MAP4K4: variants seen among roughly 807,000 people sequenced by gnomAD.
The protein encoded by MAP4K4 is HPK/GCK-like kinase HGK.
MAP4K4 carries 38 observed loss-of-function variants against 189.6 expected under a neutral mutation model. The ratio of observed to expected loss-of-function variants is 0.20; its 90% confidence interval spans 0.15 to 0.26. The LOEUF is 0.26. Among genes scored for constraint, MAP4K4 ranks in the 10% least tolerant of loss-of-function variants. The pLI is 1.00. For synonymous variants in MAP4K4, 610 were observed against 624.3 expected (o/e 0.98, Z 0.34); for missense variants, 1,054 against 1,726.9 (o/e 0.61, Z 6.91).
At chr2:101,816,192 G>T (rs1359786797) in intron 3 of MAP4K4, among the ~76,000 whole-genome samples, 1 of 152,204 alleles carries the variant, frequency 6.6e-6, no homozygotes, top group Non-Finnish European at 1.5e-5. Context: ...TCTCTTCTAA[G>T]CGCTTTCGTA....
At chr2:101,719,745 C>T (rs1186575943) in intron 2 of MAP4K4, among the ~76,000 whole-genome samples, 1 of 152,316 alleles carries the variant, frequency 6.6e-6, no homozygotes, top group African/African-American at 2.4e-5. Context: ...GGCGTGGTGG[C>T]TCACGCCTGT....
chr2:101,843,916 A>G (rs2097004455), intron 11 of MAP4K4, among the ~76,000 whole-genome samples, 185 bp from the exon 12 acceptor site: 2 of 152,224 alleles, frequency 1.3e-5, no homozygotes, highest in Admixed American at 6.5e-5. Flanking sequence ...CTAAATAAGT[A>G]AAAGAAGATA....
At chr2:101,752,110 A>G (rs533976358) in intron 2 of MAP4K4, among the ~76,000 whole-genome samples, 3 of 152,064 alleles carry the variant, frequency 2.0e-5, no homozygotes, top group South Asian at 4.2e-4. Flanking sequence ...TCAGTTCCCT[A>G]TTTGTTTTTT....
chr2:101,787,514 C>G (rs2091735927), intron 2 of MAP4K4, among the ~76,000 whole-genome samples: 1 of 152,180 alleles, frequency 6.6e-6, no homozygotes, highest in Admixed American at 6.5e-5. Context: ...AGTTGGGCCA[C>G]CCAGCTAGCG....
intron 26 of MAP4K4, among the ~76,000 whole-genome samples, chr2:101,874,932 A>G (rs1466526581): frequency 6.6e-6 from 1 of 152,178 alleles, no homozygotes; most frequent in Non-Finnish European, 1.5e-5. Context: ...CTCACTGTAA[A>G]ATCTTGAGGT....
intron 12 of MAP4K4, among the ~76,000 whole-genome samples, chr2:101,845,645 AT>A (rs2097082308): frequency 1.3e-5 from 2 of 152,312 alleles, no homozygotes; most frequent in African/African-American, 4.8e-5. Context: ...TATGGTAAAA[AT>A]ATGATATTAT....
intron 3 of MAP4K4, among the ~76,000 whole-genome samples, chr2:101,805,072 C>CAAAAAAAA (rs36081384): frequency 1.1e-4 from 6 of 56,432 alleles, no homozygotes; most frequent in Admixed American, 2.0e-4. Context: ...GACTCCAGAT[C>CAAAAAAAA]AAAAAAAAAA....
intron 2 of MAP4K4, among the ~76,000 whole-genome samples, chr2:101,777,575 C>A (rs1446128165): frequency 6.6e-6 from 1 of 152,212 alleles, no homozygotes; most frequent in Non-Finnish European, 1.5e-5. Flanking sequence ...AGAGAAACCT[C>A]CCTGACCACG....
intron 2 of MAP4K4, among the ~76,000 whole-genome samples, chr2:101,731,221 A>G (rs549478809): frequency 6.9e-4 from 104 of 151,764 alleles, no homozygotes; most frequent in African/African-American, 2.3e-3. Context: ...GATTCAAGTG[A>G]TTCTATTGCC....
intron 16 of MAP4K4, 116 bp downstream of exon 16, chr2:101,861,102 T>G: frequency 1.1e-6 from 1 of 948,284 alleles, no homozygotes; most frequent in Non-Finnish European, 1.5e-6. Context: ...GAGGAGAGAT[T>G]AGCAGGAGTG....
intron 2 of MAP4K4, among the ~76,000 whole-genome samples, chr2:101,719,484 G>C (rs2050427649): frequency 6.6e-6 from 1 of 152,168 alleles, no homozygotes; most frequent in South Asian, 2.1e-4. Context: ...GTGTTTTGGA[G>C]AAGGCAGCAG....
At chr2:101,826,872 T>C (rs1276688825) in intron 5 of MAP4K4, among the ~76,000 whole-genome samples, 1 of 152,102 alleles carries the variant, frequency 6.6e-6, no homozygotes, top group African/African-American at 2.4e-5. Context: ...ATATGAATTG[T>C]TGTCATTGTT....
chr2:101,785,259 A>G (rs1030542740), intron 2 of MAP4K4, among the ~76,000 whole-genome samples: 1 of 152,174 alleles, frequency 6.6e-6, no homozygotes, highest in African/African-American at 2.4e-5. Flanking sequence ...AAAAAGGTGA[A>G]ATTTAGGGAG....
intron 2 of MAP4K4, among the ~76,000 whole-genome samples, chr2:101,745,336 C>T (rs1474457583): frequency 1.5e-5 from 2 of 132,740 alleles, no homozygotes; most frequent in East Asian, 2.1e-4. Context: ...TCACCCCCCC[C>T]CCCCCAATAC....
chr2:101,860,291 G>A, intron 15 of MAP4K4: 1 of 244,788 alleles, frequency 4.1e-6, no homozygotes, highest in East Asian at 9.6e-5. Context: ...GTTACCCAGA[G>A]CCTCAGAGTA....
chr2:101,757,700 A>T (rs1388084880), intron 2 of MAP4K4, among the ~76,000 whole-genome samples: 5 of 152,212 alleles, frequency 3.3e-5, no homozygotes, highest in Admixed American at 6.5e-5. Context: ...GCACAGTAAG[A>T]GATTAACAAC....
intron 3 of MAP4K4, among the ~76,000 whole-genome samples, chr2:101,803,283 TTGTGTGTG>T (rs1491181067): frequency 7.7e-6 from 1 of 129,866 alleles, no homozygotes; most frequent in African/African-American, 2.8e-5. Context: ...GTGTGTGTGT[TTGTGTGTG>T]TGTCTGTCTG....
intron 3 of MAP4K4, among the ~76,000 whole-genome samples, chr2:101,803,202 A>G (rs955351414): frequency 3.3e-5 from 5 of 151,884 alleles, no homozygotes; most frequent in Admixed American, 1.3e-4. Flanking sequence ...AAAAAACCCA[A>G]AACTCAAGTT....
chr2:101,700,412 AGTC>A (rs2037739335), intron 2 of MAP4K4, among the ~76,000 whole-genome samples: 1 of 152,244 alleles, frequency 6.6e-6, no homozygotes, highest in Non-Finnish European at 1.5e-5. Context: ...CTGACTACAA[AGTC>A]GGTACAGTTG....
Sources: allele counts gnomAD v4.1 joint callset (sites outside exome capture counted in the v4.1 genomes callset), GRCh38; gene constraint gnomAD v4.1.1; transcripts MANE v1.5; gene names NCBI Gene and HGNC (gene_info 2026-07-23, HGNC 2026-07-21).